The following EXTL1 variants were observed in gnomAD, a reference collection of about 807,000 sequenced individuals.
The protein encoded by EXTL1 is exostosin-like 1.
EXTL1 carries 43 observed loss-of-function variants against 64.6 expected under a neutral mutation model. That is an observed-to-expected ratio of 0.67 (90% CI 0.52 to 0.86). The LOEUF is 0.86. Among genes scored for constraint, EXTL1 ranks in the 40% least tolerant of loss-of-function variants. The pLI is 0.00. For missense variants in EXTL1, 766 were observed against 879.0 expected, an observed-to-expected ratio of 0.87 and a Z score of 1.62; for synonymous variants, 352 against 360.5, an observed-to-expected ratio of 0.98 and a Z score of 0.27.
Position 26,022,504 on chromosome 1 carries a change from T to C in EXTL1, c.-143T>C, listed in dbSNP as rs1368287644. On this transcript the variant is annotated 5_prime_UTR_variant, in exon 1 of 11. The change abolishes an upstream ATG in the 5' untranslated region. Transcript: ENST00000374280. ...CCTTAGACAGGCGGCCTGGTCTCGA[T>C]GGGCCTCAGTCTTCCCATCTGTACA... 10 of 677,464 alleles carry C rather than the reference T, an allele frequency of 1.5e-5. No homozygotes were observed. The highest frequency in any genetic ancestry group is 2.3e-5 in the Non-Finnish European group (9 of 397,282). 42.0% of individuals were successfully genotyped at this position (677,464 alleles called of 1,614,324 possible). A position where few individuals can be genotyped will look rare whatever the true frequency, so the allele number is the denominator to read the frequency against.
intron 4 of EXTL1, 130 bp downstream of exon 4, chr1:26,030,725 C>A: frequency 1.9e-6 from 2 of 1,056,458 alleles, no homozygotes; most frequent in Non-Finnish European, 2.6e-6. Flanking sequence ...TGGGATGAAT[C>A]TGAGACTTGG....
In EXTL1 at chr1:26,029,637, A is replaced by G; in HGVS notation, c.911A>G (p.Glu304Gly). ...CCAGTGCTTCTCAGCCCCCGCTGGG[A>G]GCTGCCCTTCTCCGAGGTCATCGAC... ...CIPVLLSPRW[E>G]LPFSEVIDWT... The change falls in exon 3 of 11, where the codon GAG (glutamate) becomes GGG (glycine). Residue 304 changes from glutamate (E) to glycine (G), a missense_variant. Around this residue, in one of 3 missense-constraint regions of EXTL1, gnomAD observed 571 missense variants for 647.6 expected, o/e 0.88. Coordinates refer to ENST00000374280, the MANE Select transcript of EXTL1 (RefSeq NM_004455.3). 3.1e-6 allele frequency: 5 copies of G among 1,611,564 alleles called. No individual in the cohort carries two copies. The highest frequency in any genetic ancestry group is 4.2e-6 in the Non-Finnish European group (5 of 1,179,564).
chr1:26,028,877 T>G (rs1041597421), intron 1 of EXTL1, among the ~76,000 whole-genome samples: 4 of 152,186 alleles, frequency 2.6e-5, no homozygotes, highest in Non-Finnish European at 5.9e-5. Flanking sequence ...CAGCGTCCGC[T>G]GCCTCCCATT....
intron 3 of EXTL1, 110 bp downstream of exon 3, chr1:26,029,817 G>GAT: frequency 1.5e-6 from 1 of 674,982 alleles, no homozygotes; most frequent in South Asian, 1.8e-5. Flanking sequence ...GCCTTCTATG[G>GAT]ATACTGGTGA....
In EXTL1 at chr1:26,033,120, CT is replaced by C; in HGVS notation, c.1432-106del. 1.3e-6 allele frequency: 1 copy of C among 778,184 alleles called. No homozygotes were observed. Among genetic ancestry groups the C allele is most frequent in the South Asian group, 1.5e-5 (1 of 67,386 alleles). The allele number at this position is 778,184 out of a possible 1,614,324, so 48.2% of individuals were successfully genotyped here. On this transcript the variant is annotated intron_variant, in intron 7 of 10. Coordinates refer to ENST00000374280, the MANE Select transcript of EXTL1 (RefSeq NM_004455.3). The surrounding 1 kb of genome is among the most constrained non-coding windows in gnomAD (Gnocchi z 5.1). ...CGTCTACACTGTGCCTGAAGGGAGG[CT>C]TTATTCATGGCTCAGGCGTCTACAC...
rs116675357 is a variant in EXTL1, at chr1:26,023,397, C to T, written c.751C>T (p.Arg251Cys). The change falls in exon 1 of 11, where the codon CGC becomes TGC. Residue 251 changes from arginine to cysteine, a missense_variant. Physicochemically the swap from Arg to Cys is radical, Grantham distance 180 (BLOSUM62 -3). This residue lies in a region of EXTL1 where 571 missense variants were observed against 647.6 expected (regional missense o/e 0.88). Coordinates refer to ENST00000374280, the MANE Select transcript of EXTL1 (RefSeq NM_004455.3). ...TGSSACPWDG[R>C]CEQDPGPGQT... ...CTCCTCTGCCTGCCCCTGGGATGGG[C>T]GCTGTGAGCAAGACCCTGGACCTGG... 2.7e-4 allele frequency: 388 copies of T among 1,452,922 alleles called. No individual in the cohort carries two copies. Among genetic ancestry groups the T allele is most frequent in the Admixed American group, 4.0e-4 (14 of 35,438 alleles). The allele number at this position is 1,452,922 out of a possible 1,614,324, so 90.0% of individuals were successfully genotyped here. A position where few individuals can be genotyped will look rare whatever the true frequency, so the allele number is the denominator to read the frequency against.
At position 26,033,323 on chromosome 1, in the gene EXTL1, C is replaced by T; in HGVS notation, c.1518+8C>T. 5 of 1,612,238 alleles carry T rather than the reference C, an allele frequency of 3.1e-6. No homozygotes were observed. Among genetic ancestry groups the T allele is most frequent in the Non-Finnish European group, 4.2e-6 (5 of 1,178,466 alleles). The stretch of plus-strand genomic sequence containing the variant: ...AGTCTTTCCACAAGTGAGGTGAGGG[C>T]TGGGCCCAAGAGAAGCCCAGTGTGG... On this transcript the variant is annotated splice_region_variant and intron_variant, in intron 8 of 10. Transcript: ENST00000374280. The surrounding 1 kb of genome is among the most constrained non-coding windows in gnomAD (Gnocchi z 5.1).
In EXTL1 at chr1:26,036,023, C is replaced by G. The variant is rs1239487006; in HGVS notation, c.*676C>G. The G allele has an allele frequency of 3.3e-5, 5 of 152,752 alleles. No homozygotes were observed. In the East Asian group the frequency reaches 9.7e-4, roughly 30 times the overall value. The allele number at this position is 152,752 out of a possible 1,614,324, so 9.5% of individuals were successfully genotyped here. On this transcript the variant is annotated 3_prime_UTR_variant, in exon 11 of 11. Coordinates refer to ENST00000374280, the MANE Select transcript of EXTL1 (RefSeq NM_004455.3). The surrounding 1 kb of genome is among the most constrained non-coding windows in gnomAD (Gnocchi z 5.2). Reference sequence around the variant, plus strand: ...GCCTCAACCAAGGAGCAGAGGGGTGCGGGTAAACGAGGAGTGGGGCGAGGA... The same window carrying G: ...GCCTCAACCAAGGAGCAGAGGGGTGGGGGTAAACGAGGAGTGGGGCGAGGA...
chr1:26,035,031 A>G lies in EXTL1; in HGVS notation c.1848+27A>G. ...TGAGGGCTGAGGGGGATTGGTCGGA[A>G]CTGGCAGGGATTGGGCGGGGATGCC... On this transcript the variant is annotated intron_variant, in intron 10 of 10. Coordinates refer to ENST00000374280, the MANE Select transcript of EXTL1 (RefSeq NM_004455.3). The surrounding 1 kb of genome is among the most constrained non-coding windows in gnomAD (Gnocchi z 5.3). 4.3e-6 allele frequency: 7 copies of G among 1,612,208 alleles called. No individual in the cohort carries two copies. Among genetic ancestry groups the G allele is most frequent in the Non-Finnish European group, 5.9e-6 (7 of 1,178,582 alleles).
In EXTL1 at chr1:26,023,029, C is replaced by T; in HGVS notation, c.383C>T (p.Pro128Leu). ...GGCTCTCGCTTCTACACATTCAGCCCTGCTGGGGCCTGCCTCCTCCTCCTC... is the reference window on the plus strand; with the variant it reads ...GGCTCTCGCTTCTACACATTCAGCCTTGCTGGGGCCTGCCTCCTCCTCCTC... ...IEGSRFYTFSPAGACLLLLLS... is the reference protein window; with the variant it reads ...IEGSRFYTFSLAGACLLLLLS... The change falls in exon 1 of 11, where the codon CCT (proline) becomes CTT (leucine). Residue 128 changes from proline (P) to leucine (L), a missense_variant. Around this residue, in one of 3 missense-constraint regions of EXTL1, gnomAD observed 571 missense variants for 647.6 expected, o/e 0.88. Transcript: ENST00000374280. 1 of 1,614,114 alleles carries T rather than the reference C, an allele frequency of 6.2e-7. No individual in the cohort carries two copies. The highest frequency in any genetic ancestry group is 1.6e-4 in the Middle Eastern group (1 of 6,062).
rs561689802 is a variant in EXTL1 at position 26,033,772 on chromosome 1, A to G, written c.1595A>G (p.Asp532Gly). Residue 532 changes from aspartate to glycine, a missense_variant, in exon 9 of 11, where the codon GAC becomes GGC. Coordinates refer to ENST00000374280, the MANE Select transcript of EXTL1 (RefSeq NM_004455.3). This position sits in a 1 kb window ranked among gnomAD's most constrained non-coding sequence, Gnocchi z 5.1. ...TTCCTGACGTCGAGCCATTTCTGGG[A>G]CGAGGCCCATGGTGGCTGGGGCTAC... Reference protein sequence around the residue: ...VGFLTSSHFWDEAHGGWGYTA... With the variant: ...VGFLTSSHFWGEAHGGWGYTA... 22 of 1,614,130 alleles carry G rather than the reference A, an allele frequency of 1.4e-5. No homozygotes were observed. The African/African-American group carries it at 2.8e-4, about 21-fold the overall frequency.
chr1:26,023,456 T>C lies in EXTL1; in HGVS notation c.779+31T>C, dbSNP rs200877807. On this transcript the variant is annotated intron_variant, in intron 1 of 10. Coordinates refer to ENST00000374280, the MANE Select transcript of EXTL1 (RefSeq NM_004455.3). ...TGAACCTTTTGCCTTGGGGGCTGGA[T>C]GGGAGGGGGCTGGAATAGACGCAAG... 8.1e-4 allele frequency: 1,150 copies of C among 1,422,696 alleles called. 12 individuals are homozygous for C. Among genetic ancestry groups the C allele is most frequent in the Non-Finnish European group, 8.6e-5 (93 of 1,083,912 alleles). 88.1% of individuals were successfully genotyped at this position (1,422,696 alleles called of 1,614,324 possible).
At chr1:26,029,049 G>A (rs1341359005) in intron 1 of EXTL1, 144 bp from the exon 2 acceptor site, 10 of 607,126 alleles carry the variant, frequency 1.6e-5, no homozygotes, top group South Asian at 5.9e-5. Flanking sequence ...GTGTGCGGCT[G>A]TGCATATGCA....
At position 26,035,612 on chromosome 1, in the gene EXTL1, C is replaced by T. The variant is rs565375547; in HGVS notation, c.*265C>T. 2.4e-6 allele frequency: 1 copy of T among 415,214 alleles called. No homozygotes were observed. The highest frequency in any genetic ancestry group is 4.3e-6 in the Non-Finnish European group (1 of 231,290). The allele number at this position is 415,214 out of a possible 1,614,324, so 25.7% of individuals were successfully genotyped here. On this transcript the variant is annotated 3_prime_UTR_variant, in exon 11 of 11. Coordinates refer to ENST00000374280, the MANE Select transcript of EXTL1 (RefSeq NM_004455.3). This position sits in a 1 kb window ranked among gnomAD's most constrained non-coding sequence, Gnocchi z 5.3. ...CTTCTCCACCCAGCTAACTTCTGCT[C>T]GTCTTTCAGAGCATTGTCTCCTCCA...
intron 7 of EXTL1, 71 bp downstream of exon 7, chr1:26,032,556 T>C: frequency 8.4e-7 from 1 of 1,195,492 alleles, no homozygotes; most frequent in Non-Finnish European, 1.2e-6. Flanking sequence ...CCATGGGGTG[T>C]TTTATGAATA....
In EXTL1 at chr1:26,023,235, G is replaced by C. The variant is rs2050174742; in HGVS notation, c.589G>C (p.Ala197Pro). The C allele has an allele frequency of 6.2e-7, 1 of 1,605,560 alleles. No individual in the cohort carries two copies. The change falls in exon 1 of 11, where the codon GCC becomes CCC. Residue 197 changes from alanine (A) to proline (P), a missense_variant. Transcript: ENST00000374280. ...CTCCTTCCGGCCCGGCTTTGATGTG[G>C]CCCTCCCTTTTCTCCCTGAAGCCCA... ...VDSFRPGFDV[A>P]LPFLPEAHPL...
chr1:26,033,091 C>G lies in EXTL1; in HGVS notation c.1432-138C>G. 1.6e-6 allele frequency: 1 copy of G among 622,884 alleles called. No individual in the cohort carries two copies. Among genetic ancestry groups the G allele is most frequent in the East Asian group, 2.8e-5 (1 of 35,654 alleles). The allele number at this position is 622,884 out of a possible 1,614,324, so 38.6% of individuals were successfully genotyped here. A position where few individuals can be genotyped will look rare whatever the true frequency, so the allele number is the denominator to read the frequency against. On this transcript the variant is annotated intron_variant, in intron 7 of 10. Coordinates refer to ENST00000374280, the MANE Select transcript of EXTL1 (RefSeq NM_004455.3). This position sits in a 1 kb window ranked among gnomAD's most constrained non-coding sequence, Gnocchi z 5.1. ...GCACAGGCTTGCCATATTTGAGGCC[C>G]AGGCGTCTACACTGTGCCTGAAGGG...
chr1:26,035,374 G>C lies in EXTL1; in HGVS notation c.*27G>C, dbSNP rs2736840. Reference sequence around the variant, plus strand: ...GGGGCGACCCGCGGAGACCCCAGCAGAGGTCGCAGCCCAGCTCCCAGGGGG... The same window carrying C: ...GGGGCGACCCGCGGAGACCCCAGCACAGGTCGCAGCCCAGCTCCCAGGGGG... On this transcript the variant is annotated 3_prime_UTR_variant, in exon 11 of 11. Coordinates refer to ENST00000374280, the MANE Select transcript of EXTL1 (RefSeq NM_004455.3). The surrounding 1 kb of genome is among the most constrained non-coding windows in gnomAD (Gnocchi z 5.3). The C allele has an allele frequency of 6.3e-7, 1 of 1,577,306 alleles. No homozygotes were observed. The highest frequency in any genetic ancestry group is 1.4e-5 in the African/African-American group (1 of 73,942).
At chr1:26,031,337 G>GC in intron 5 of EXTL1, 73 bp downstream of exon 5, 1 of 1,553,678 alleles carries the variant, frequency 6.4e-7, no homozygotes, top group Non-Finnish European at 8.8e-7. Context: ...CATCTGGAGA[G>GC]CCCCACCAAG....
Sources: gnomAD v4.1 joint callset for allele counts (sites outside exome capture counted in the v4.1 genomes callset) on GRCh38, gnomAD v4.1.1 for gene constraint, gnomAD v4.1.1 regional missense constraint, Gnocchi (gnomAD v3.1) non-coding constraint, MANE v1.5 for transcripts, NCBI Gene and HGNC (gene_info 2026-07-23, HGNC 2026-07-21) for gene names.